The following PSD3 variants were observed in gnomAD, a reference collection of about 807,000 sequenced individuals.
PSD3 encodes the protein PH and SEC7 domain-containing protein 3.
A neutral mutation model predicts 105.5 loss-of-function variants in PSD3; 49 were observed. The ratio of observed to expected loss-of-function variants is 0.46; its 90% CI spans 0.37 to 0.59. The LOEUF is 0.59. Among genes scored for constraint, PSD3 ranks in the 20% least tolerant of loss-of-function variants. The pLI, the probability that PSD3 is intolerant of heterozygous loss-of-function variation, is 0.00. For missense variants in PSD3, 1,561 were observed against 1,263.8 expected (o/e 1.24, Z -3.57); for synonymous variants, 557 against 457.8 (o/e 1.22, Z -2.77).
intron 1 of PSD3, among the ~76,000 whole-genome samples, chr8:18,956,293 C>A (rs1345026559): frequency 6.6e-6 from 1 of 152,106 alleles, no homozygotes; most frequent in African/African-American, 2.4e-5. Context: ...CTGGGGTGGG[C>A]ATGCACAACA....
At chr8:18,742,306 C>T (rs1804637113) in intron 9 of PSD3, among the ~76,000 whole-genome samples, 1 of 151,980 alleles carries the variant, frequency 6.6e-6, no homozygotes, top group Non-Finnish European at 1.5e-5. Context: ...CTAGTATCAC[C>T]AAAACCACAA....
At chr8:18,611,987 T>A (rs1160638013) in intron 11 of PSD3, among the ~76,000 whole-genome samples, 1 of 152,242 alleles carries the variant, frequency 6.6e-6, no homozygotes, top group African/African-American at 2.4e-5. Context: ...GACTTGATGA[T>A]GACTATCACA....
chr8:18,851,405 C>T lies in PSD3; in HGVS notation c.1634+16269G>A, dbSNP rs150196567. Among the ~76,000 whole-genome samples, 51 of 152,340 alleles carry T rather than the reference C, an allele frequency of 3.3e-4. No individual in the cohort carries two copies. In the East Asian group the frequency reaches 9.3e-3, roughly 28 times the overall value. On this transcript the variant is annotated intron_variant, in intron 4 of 15. Transcript: ENST00000327040. ...AAAGGGCCAACTGAACCACAGCCTC[C>T]GGCCAGCTAAACAATGACTAAAATC...
intron 1 of PSD3, among the ~76,000 whole-genome samples, chr8:19,045,323 A>G (rs1203671030): frequency 6.6e-6 from 1 of 152,254 alleles, no homozygotes; most frequent in Non-Finnish European, 1.5e-5. Context: ...AGAATATGAT[A>G]TGAAACCAAG....
At chr8:18,699,038 G>T (rs1050736731) in intron 9 of PSD3, among the ~76,000 whole-genome samples, 3 of 152,104 alleles carry the variant, frequency 2.0e-5, no homozygotes, top group Non-Finnish European at 4.4e-5. Flanking sequence ...ACCTGGTGTG[G>T]CAGAGATGCC....
intron 12 of PSD3, 100 bp downstream of exon 12, chr8:18,600,264 G>T: frequency 9.0e-7 from 1 of 1,111,814 alleles, no homozygotes; most frequent in Non-Finnish European, 1.3e-6. Context: ...ACTGCAGAAA[G>T]TGAAACCACA....
chr8:18,605,288 A>G (rs1308580952), intron 11 of PSD3, among the ~76,000 whole-genome samples: 1 of 152,068 alleles, frequency 6.6e-6, no homozygotes, highest in Non-Finnish European at 1.5e-5. Context: ...CCTGGATGTT[A>G]GACATGGAGC....
chr8:18,914,195 T>C (rs1356248822), intron 2 of PSD3, among the ~76,000 whole-genome samples: 1 of 65,952 alleles, frequency 1.5e-5, no homozygotes, highest in Admixed American at 1.8e-4. Flanking sequence ...CCTTTCATGA[T>C]AAAGAAAAAA....
At chr8:18,790,293 CT>C (rs939629761) in intron 8 of PSD3, among the ~76,000 whole-genome samples, 1 of 148,532 alleles carries the variant, frequency 6.7e-6, no homozygotes, top group Non-Finnish European at 1.5e-5. Flanking sequence ...TAACATTTTT[CT>C]TTTTTCTTTT....
At chr8:18,754,657 T>G (rs1001681523) in intron 9 of PSD3, among the ~76,000 whole-genome samples, 3 of 152,092 alleles carry the variant, frequency 2.0e-5, no homozygotes, top group Non-Finnish European at 4.4e-5. Context: ...AAATACAGGT[T>G]GTGTGAAATT....
intron 9 of PSD3, among the ~76,000 whole-genome samples, chr8:18,665,080 C>T (rs1799372749): frequency 6.6e-6 from 1 of 152,214 alleles, no homozygotes; most frequent in South Asian, 2.1e-4. Context: ...ACACAACATC[C>T]ATTCCGTAGA....
At chr8:18,978,201 G>C (rs1418134227) in intron 1 of PSD3, among the ~76,000 whole-genome samples, 2 of 152,248 alleles carry the variant, frequency 1.3e-5, no homozygotes, top group Non-Finnish European at 2.9e-5. Flanking sequence ...AGAGGGCACT[G>C]CCTGCAAGGC....
intron 1 of PSD3, among the ~76,000 whole-genome samples, chr8:18,969,907 G>C (rs578145620): frequency 6.6e-6 from 1 of 152,204 alleles, no homozygotes; most frequent in African/African-American, 2.4e-5. Flanking sequence ...TTTTAAAACA[G>C]TGCGCAAAAT....
rs145661339 is a variant in PSD3 at position 18,808,881 on chromosome 8, G to C, written c.1635-3983C>G. 1.4e-4 allele frequency: 223 copies of C among 1,584,576 alleles called. 1 individual carries two copies. The East Asian group carries it at 5.0e-3, about 36-fold the overall frequency. On this transcript the variant is annotated intron_variant, in intron 4 of 15. Coordinates refer to ENST00000327040, the MANE Select transcript of PSD3 (RefSeq NM_015310.4). ...AGTTCAGTGACTGCCGAGCCTCACA[G>C]CCTTCCAAGAACCTGGCTCCCTGTG...
At chr8:18,929,744 A>C (rs1821612873) in intron 2 of PSD3, among the ~76,000 whole-genome samples, 1 of 152,198 alleles carries the variant, frequency 6.6e-6, no homozygotes, top group Non-Finnish European at 1.5e-5. Flanking sequence ...TGGCTTTCAA[A>C]AGAAGTTCTA....
chr8:18,799,701 C>T (rs1356721756), intron 7 of PSD3, among the ~76,000 whole-genome samples: 1 of 152,136 alleles, frequency 6.6e-6, no homozygotes, highest in Non-Finnish European at 1.5e-5. Flanking sequence ...GATATCCAGA[C>T]AAGCATTGCT....
intron 12 of PSD3, among the ~76,000 whole-genome samples, chr8:18,581,680 G>C (rs2130415208): frequency 6.6e-6 from 1 of 152,210 alleles, no homozygotes; most frequent in Non-Finnish European, 1.5e-5. Flanking sequence ...ATGTTAACTG[G>C]TGCTTTTTCA....
chr8:18,796,504 T>G (rs1479676243), intron 8 of PSD3, among the ~76,000 whole-genome samples: 1 of 152,220 alleles, frequency 6.6e-6, no homozygotes, highest in Admixed American at 6.5e-5. Context: ...CATGTCACAT[T>G]AGCTAAATGT....
chr8:18,588,773 T>C (rs1803379117), intron 12 of PSD3, among the ~76,000 whole-genome samples: 1 of 152,200 alleles, frequency 6.6e-6, no homozygotes, highest in Non-Finnish European at 1.5e-5. Context: ...ATTCTCCATC[T>C]TGATGACTCA....
Sources: gnomAD v4.1 joint callset for allele counts (sites outside exome capture counted in the v4.1 genomes callset) on GRCh38, gnomAD v4.1.1 for gene constraint, MANE v1.5 for transcripts, NCBI Gene and HGNC (gene_info 2026-07-23, HGNC 2026-07-21) for gene names.